Variants in BSG observed in about 807,000 individuals in gnomAD.
The protein encoded by BSG is basigin (Ok blood group).
A neutral mutation model predicts 43.1 loss-of-function variants in BSG; 37 were observed. That is an observed-to-expected ratio of 0.86 (90% CI 0.66 to 1.13). BSG has a LOEUF of 1.13. Among genes scored for constraint, BSG ranks in the 50% most tolerant of loss-of-function variants. BSG has a pLI of 0.00. For missense variants in BSG, 599 were observed against 554.2 expected (o/e 1.08, Z -0.81); for synonymous variants, 309 against 238.7 (o/e 1.29, Z -2.72).
rs1003743321 is a variant in BSG at position 582,226 on chromosome 19, C to G, written c.1070-80C>G. 1.9e-6 allele frequency: 3 copies of G among 1,577,376 alleles called. No homozygotes were observed. In the African/African-American group the frequency reaches 4.1e-5, roughly 22 times the overall value. On this transcript the variant is annotated intron_variant, in intron 6 of 8. Coordinates refer to ENST00000333511, the MANE Select transcript of BSG (RefSeq NM_001728.4). ...AGGGCAGGGCTGGCAGCACAGATGCCCCTGCTCGGGGCCTGAGTGGGGCCA... is the reference window on the plus strand; with the variant it reads ...AGGGCAGGGCTGGCAGCACAGATGCGCCTGCTCGGGGCCTGAGTGGGGCCA...
intron 5 of BSG, 74 bp from the exon 6 acceptor site, chr19:581,241 G>A: frequency 7.4e-7 from 1 of 1,353,726 alleles, no homozygotes; most frequent in East Asian, 3.2e-5. Flanking sequence ...GGGGGTCCCG[G>A]ACTCAGCCCT....
chr19:572,553 C>G (rs1040190602), upstream of BSG: 26 of 1,388,324 alleles, frequency 1.9e-5, no homozygotes, highest in Admixed American at 7.4e-4. Flanking sequence ...GCGCCCGGTC[C>G]GCGCCTCCGC....
intron 1 of BSG, among the ~76,000 whole-genome samples, chr19:573,847 C>T (rs899730563): frequency 6.6e-6 from 1 of 152,160 alleles, no homozygotes; most frequent in Non-Finnish European, 1.5e-5. Flanking sequence ...GTTTGGAGAG[C>T]GCATTTGGGA....
At chr19:580,524 G>C in intron 4 of BSG, 63 bp downstream of exon 4, 1 of 1,604,754 alleles carries the variant, frequency 6.2e-7, no homozygotes. Context: ...TTGGCCTGAG[G>C]CACCCGGCAC....
chr19:582,029 G>A (rs1252497348), intron 6 of BSG, among the ~76,000 whole-genome samples: 17 of 152,254 alleles, frequency 1.1e-4, no homozygotes, highest in Non-Finnish European at 1.8e-4. Flanking sequence ...GGCCTGTGAT[G>A]GCAGCTCCTG....
In BSG at chr19:582,499, C is replaced by T. The variant is rs1982415375; in HGVS notation, c.1095-15C>T. 6.2e-7 allele frequency: 1 copy of T among 1,606,592 alleles called. No individual in the cohort carries two copies. The highest frequency in any genetic ancestry group is 8.5e-7 in the Non-Finnish European group (1 of 1,177,340). Reference sequence around the variant, plus strand: ...TTGCGGGGGACACCCTCTCACCCGGCCCCTCGTGCCCCAGGAAGAGCAGCG... The same window carrying T: ...TTGCGGGGGACACCCTCTCACCCGGTCCCTCGTGCCCCAGGAAGAGCAGCG... On this transcript the variant is annotated splice_polypyrimidine_tract_variant and intron_variant, in intron 7 of 8. Transcript: ENST00000333511.
At chr19:571,634 C>T (rs981972181), upstream of BSG, 9 of 778,118 alleles carry the variant, frequency 1.2e-5, no homozygotes, top group African/African-American at 1.2e-4. Flanking sequence ...TATTTGGGGG[C>T]GGCGAGTCGG....
upstream of BSG, chr19:571,478 C>G (rs1981229808): frequency 1.3e-6 from 1 of 776,702 alleles, no homozygotes; most frequent in Non-Finnish European, 2.4e-6. Flanking sequence ...TTCCTACCCG[C>G]GTTGCTGAGA....
At chr19:576,268 G>A (rs557853268) in intron 1 of BSG, among the ~76,000 whole-genome samples, 1 of 152,338 alleles carries the variant, frequency 6.6e-6, no homozygotes, top group Admixed American at 6.5e-5. Flanking sequence ...AGGAGGATGT[G>A]GAGCCCAGCC....
In BSG at chr19:579,640, C is replaced by A. The variant is rs759476275; in HGVS notation, c.556C>A (p.Gln186Lys). 10 of 1,609,934 alleles carry A rather than the reference C, an allele frequency of 6.2e-6. No individual in the cohort carries two copies. The highest frequency in any genetic ancestry group is 8.5e-6 in the Non-Finnish European group (10 of 1,178,544). Reference sequence around the variant, plus strand: ...GCTGAAGGAGGACGCGCTGCCCGGCCAGAAAACGGAGTTCAAGTGAGTGCC... The same window carrying A: ...GCTGAAGGAGGACGCGCTGCCCGGCAAGAAAACGGAGTTCAAGTGAGTGCC... ...VVLKEDALPG[Q>K]KTEFKVDSDD... Residue 186 changes from glutamine (Q) to lysine (K), a missense_variant, in exon 3 of 9, where the codon CAG becomes AAG. Coordinates refer to ENST00000333511, the MANE Select transcript of BSG (RefSeq NM_001728.4).
Position 582,780 on chromosome 19 carries a change from TGC to T in BSG, c.*39_*40del, listed in dbSNP as rs1982449065. 2 of 607,192 alleles carry T rather than the reference TGC, an allele frequency of 3.3e-6. No homozygotes were observed. The highest frequency in any genetic ancestry group is 4.0e-5 in the South Asian group (2 of 49,502). The allele number at this position is 607,192 out of a possible 1,614,324, so 37.6% of individuals were successfully genotyped here. A position where few individuals can be genotyped will look rare whatever the true frequency, so the allele number is the denominator to read the frequency against. On this transcript the variant is annotated 3_prime_UTR_variant, in exon 9 of 9. Coordinates refer to ENST00000333511, the MANE Select transcript of BSG (RefSeq NM_001728.4). ...CCGAGGACGCTCCCTGCTCCACGTC[TGC>T]GCCGCCGCCGGAGTCCACTCCCAGT...
At chr19:572,584 G>C, upstream of BSG, 5 of 1,437,510 alleles carry the variant, frequency 3.5e-6, no homozygotes, top group Non-Finnish European at 3.7e-6. Context: ...AGCGGCCGCG[G>C]GCGGCGGCGG....
Position 579,534 on chromosome 19 carries a change from C to A in BSG, c.450C>A (p.Gly150=). 6.2e-7 allele frequency: 1 copy of A among 1,612,728 alleles called. No homozygotes were observed. Among genetic ancestry groups the A allele is most frequent in the Non-Finnish European group, 8.5e-7 (1 of 1,179,934 alleles). Residue 150 remains glycine (G), a synonymous_variant, in exon 3 of 9, where the codon GGC becomes GGA. Transcript: ENST00000333511. ...TCTTCACTACCGTAGAAGACCTTGG[C>A]TCCAAGATACTCCTCACCTGCTCCT... The part of the protein sequence containing the change: ...GTVFTTVEDL[G]SKILLTCSLN...
Position 578,010 on chromosome 19 carries a change from G to A in BSG, c.304G>A (p.Asp102Asn). 1.2e-6 allele frequency: 2 copies of A among 1,612,068 alleles called. No individual in the cohort carries two copies. Among genetic ancestry groups the A allele is most frequent in the Non-Finnish European group, 1.7e-6 (2 of 1,179,658 alleles). Residue 102 changes from aspartate to asparagine, a missense_variant, in exon 2 of 9, where the codon GAC becomes AAC. Coordinates refer to ENST00000333511, the MANE Select transcript of BSG (RefSeq NM_001728.4). ...TISIDTLVEE[D>N]TGTYECRASN... Reference sequence around the variant, plus strand: ...CTCCATCGACACGCTCGTGGAGGAGGACACGGGCACTTACGAGTGCCGGGC... The same window carrying A: ...CTCCATCGACACGCTCGTGGAGGAGAACACGGGCACTTACGAGTGCCGGGC...
At chr19:581,620 C>T (rs1982332691) in intron 6 of BSG, 29 bp downstream of exon 6, 2 of 1,552,590 alleles carry the variant, frequency 1.3e-6, no homozygotes, top group Non-Finnish European at 1.7e-6. Flanking sequence ...TGCCCACATG[C>T]CCTGCTCTCG....
In BSG at chr19:572,599, G is replaced by A. The variant is rs749565236; in HGVS notation, c.-36G>A. On this transcript the variant is annotated 5_prime_UTR_variant, in exon 1 of 9. Transcript: ENST00000333511. ...AGCGGCCGCGGGCGGCGGCGGCAGC[G>A]GTTGGAGGTTGTAGGACCGGCGAGG... 6.8e-7 allele frequency: 1 copy of A among 1,463,566 alleles called. No individual in the cohort carries two copies. The highest frequency in any genetic ancestry group is 1.3e-5 in the South Asian group (1 of 74,514). 90.7% of individuals were successfully genotyped at this position (1,463,566 alleles called of 1,614,324 possible).
chr19:578,083 A>G lies in BSG; in HGVS notation c.377A>G (p.Lys126Arg). ...RNHLTRAPRV[K>R]WVRAQAVVLV... ...CACCTGACCCGGGCGCCCAGGGTCA[A>G]GTGGGTCCGCGCCCAGGCAGTCGTG... The change falls in exon 2 of 9, where the codon AAG (lysine) becomes AGG (arginine). Residue 126 changes from lysine to arginine, a missense_variant. Coordinates refer to ENST00000333511, the MANE Select transcript of BSG (RefSeq NM_001728.4). 3 of 1,603,062 alleles carry G rather than the reference A, an allele frequency of 1.9e-6. No homozygotes were observed. Among genetic ancestry groups the G allele is most frequent in the Non-Finnish European group, 1.7e-6 (2 of 1,173,960 alleles).
At chr19:580,070 C>T in intron 3 of BSG, 1 of 441,076 alleles carries the variant, frequency 2.3e-6, no homozygotes, top group Non-Finnish European at 4.1e-6. Flanking sequence ...CCTGGGAGCA[C>T]AGAGCCTTTT....
rs756613859 is a variant in BSG, at chr19:572,712, G to A, written c.67+11G>A. 5 of 1,469,122 alleles carry A rather than the reference G, an allele frequency of 3.4e-6. No homozygotes were observed. In the South Asian group the frequency reaches 6.6e-5, roughly 19 times the overall value. The allele number at this position is 1,469,122 out of a possible 1,614,324, so 91.0% of individuals were successfully genotyped here. ...GAGCCTCCGGGGCTGGTGAGGAGCG[G>A]GTAGGGGGCGGGGGTGCGGTCCTGC... On this transcript the variant is annotated intron_variant, in intron 1 of 8. Coordinates refer to ENST00000333511, the MANE Select transcript of BSG (RefSeq NM_001728.4).
Sources: gnomAD v4.1 joint callset for allele counts (sites outside exome capture counted in the v4.1 genomes callset) on GRCh38, gnomAD v4.1.1 for gene constraint, MANE v1.5 for transcripts, NCBI Gene and HGNC (gene_info 2026-07-23, HGNC 2026-07-21) for gene names.